Variants in MAGI3 observed in about 807,000 individuals in gnomAD.
The protein encoded by MAGI3 is membrane associated guanylate kinase, WW and PDZ domain containing 3.
In MAGI3, 43 loss-of-function variants were observed where a neutral mutation model predicts 121.8. The ratio of observed to expected loss-of-function variants is 0.35; its 90% confidence interval spans 0.28 to 0.46. The LOEUF is 0.46. MAGI3 is among the 20% of genes least tolerant of loss of function. The pLI is 1.00. For synonymous variants in MAGI3, 553 were observed against 639.3 expected (o/e 0.86, Z 2.04); for missense variants, 1,547 against 1,797.3 (o/e 0.86, Z 2.52).
chr1:113,611,900 A>T (rs1294887895), intron 6 of MAGI3, among the ~76,000 whole-genome samples: 2 of 151,862 alleles, frequency 1.3e-5, no homozygotes, highest in African/African-American at 4.8e-5. Context: ...ATGCCCTTTA[A>T]TCTATCTGGA....
At chr1:113,452,188 GA>G (rs1196202753) in intron 1 of MAGI3, among the ~76,000 whole-genome samples, 2 of 152,076 alleles carry the variant, frequency 1.3e-5, no homozygotes, top group Non-Finnish European at 2.9e-5. Context: ...CCCCTTTCAG[GA>G]AGGGGAAGTA....
At position 113,530,708 on chromosome 1, in the gene MAGI3, C is replaced by T. The variant is rs181531513; in HGVS notation, c.317-18807C>T. On this transcript the variant is annotated intron_variant, in intron 1 of 20. Coordinates refer to ENST00000307546, the MANE Select transcript of MAGI3 (RefSeq NM_001142782.2). ...GGCTGAGGCAGGAGGATTGCTTGAG[C>T]CCAGGAGTTCAAGACCAGCCTGGGC... 1.0e-3 allele frequency among the ~76,000 whole-genome samples: 153 copies of T among 152,126 alleles called. 3 individuals carry two copies. The highest frequency in any genetic ancestry group is 9.2e-3 in the Admixed American group (140 of 15,280).
chr1:113,622,329 A>G (rs932708585), intron 8 of MAGI3, among the ~76,000 whole-genome samples: 6 of 105,924 alleles, frequency 5.7e-5, no homozygotes, highest in Non-Finnish European at 9.5e-5. Flanking sequence ...AATAATGGGC[A>G]TTTCAAAAGA....
intron 3 of MAGI3, among the ~76,000 whole-genome samples, chr1:113,584,672 T>C (rs1648245410): frequency 6.6e-6 from 1 of 152,170 alleles, no homozygotes; most frequent in African/African-American, 2.4e-5. Flanking sequence ...CAGTTAGTTT[T>C]ATCCTCATTT....
chr1:113,643,810 C>T (rs1374374347), intron 11 of MAGI3, 36 bp downstream of exon 11: 1 of 1,597,020 alleles, frequency 6.3e-7, no homozygotes, highest in Non-Finnish European at 8.6e-7. Context: ...TTTTCCCCAA[C>T]ACACTGAGAG....
chr1:113,685,206 T>A lies in MAGI3; in HGVS notation c.*1192T>A, dbSNP rs1036770233. 6.6e-6 allele frequency: 1 copy of A among 152,384 alleles called. No homozygotes were observed. Among genetic ancestry groups the A allele is most frequent in the African/African-American group, 2.4e-5 (1 of 41,462 alleles). The allele number at this position is 152,384 out of a possible 1,614,324, so 9.4% of individuals were successfully genotyped here. ...TAAACATCTGCTTAACTTGTACACA[T>A]TTTCAGAATTCTTTTTAAAAGTCTA... is the stretch of plus-strand genomic sequence containing the variant. On this transcript the variant is annotated 3_prime_UTR_variant, in exon 21 of 21. Transcript: ENST00000307546.
intron 1 of MAGI3, among the ~76,000 whole-genome samples, chr1:113,437,308 G>A (rs999171009): frequency 1.3e-5 from 2 of 151,890 alleles, no homozygotes; most frequent in Admixed American, 1.3e-4. Context: ...TGTTAAATGA[G>A]AATAGTAAAG....
chr1:113,534,581 C>T (rs1658878252), intron 1 of MAGI3, among the ~76,000 whole-genome samples: 1 of 152,048 alleles, frequency 6.6e-6, no homozygotes, highest in African/African-American at 2.4e-5. Flanking sequence ...TCCTATGTAC[C>T]TTGTACATGC....
At chr1:113,476,841 T>C (rs1259481317) in intron 1 of MAGI3, among the ~76,000 whole-genome samples, 1 of 152,200 alleles carries the variant, frequency 6.6e-6, no homozygotes, top group Non-Finnish European at 1.5e-5. Context: ...CTCCCGTTAT[T>C]ATTGTGTGGG....
At chr1:113,652,718 A>C (rs1169727664) in intron 14 of MAGI3, among the ~76,000 whole-genome samples, 1 of 152,166 alleles carries the variant, frequency 6.6e-6, no homozygotes, top group Non-Finnish European at 1.5e-5. Context: ...CCAGAAAGAG[A>C]CCTTATAAAT....
chr1:113,595,403 G>T (rs75807541), intron 6 of MAGI3, among the ~76,000 whole-genome samples: 2,475 of 152,218 alleles, frequency 0.016, 79 homozygotes, highest in African/African-American at 0.056. Flanking sequence ...TTTACCTTAG[G>T]AGATGAATAA....
At chr1:113,571,815 A>T (rs1445973577) in intron 2 of MAGI3, among the ~76,000 whole-genome samples, 1 of 152,016 alleles carries the variant, frequency 6.6e-6, no homozygotes, top group Non-Finnish European at 1.5e-5. Flanking sequence ...GGGTTTTCTA[A>T]ATATACAACC....
intron 1 of MAGI3, among the ~76,000 whole-genome samples, chr1:113,416,059 TATTA>T (rs1359243787): frequency 2.0e-5 from 3 of 148,158 alleles, no homozygotes; most frequent in African/African-American, 4.9e-5. Context: ...TAATGACACA[TATTA>T]ATTATGTAAT....
At chr1:113,657,171 T>C (rs1246325324) in intron 15 of MAGI3, among the ~76,000 whole-genome samples, 1 of 152,238 alleles carries the variant, frequency 6.6e-6, no homozygotes, top group African/African-American at 2.4e-5. Flanking sequence ...AAGTTGGCTT[T>C]ATGGCAAATG....
intron 2 of MAGI3, among the ~76,000 whole-genome samples, chr1:113,571,602 C>T (rs1348185526): frequency 1.3e-5 from 2 of 152,046 alleles, no homozygotes; most frequent in Non-Finnish European, 1.5e-5. Context: ...TGAAGAGGTC[C>T]TTCATGTCCC....
chr1:113,417,291 C>T (rs1652506273), intron 1 of MAGI3, among the ~76,000 whole-genome samples: 1 of 152,116 alleles, frequency 6.6e-6, no homozygotes, highest in Non-Finnish European at 1.5e-5. Flanking sequence ...AATGCAATTT[C>T]ACCTTATAAT....
intron 3 of MAGI3, among the ~76,000 whole-genome samples, chr1:113,582,871 T>C (rs528037845): frequency 1.3e-5 from 2 of 151,892 alleles, no homozygotes; most frequent in South Asian, 2.1e-4. Context: ...CATATACTTA[T>C]ATAAGTAAAT....
At chr1:113,655,546 T>A (rs766554876) in intron 15 of MAGI3, among the ~76,000 whole-genome samples, 55 of 151,982 alleles carry the variant, frequency 3.6e-4, no homozygotes, top group Non-Finnish European at 4.3e-4. Flanking sequence ...GGTAAATTTT[T>A]AAAAATTTAA....
chr1:113,617,983 G>A (rs929165172), intron 7 of MAGI3, among the ~76,000 whole-genome samples: 3 of 152,110 alleles, frequency 2.0e-5, no homozygotes, highest in Non-Finnish European at 2.9e-5. Flanking sequence ...CGTCTGTTGT[G>A]GAACTGATAT....
Sources: allele counts gnomAD v4.1 joint callset (sites outside exome capture counted in the v4.1 genomes callset), GRCh38; gene constraint gnomAD v4.1.1; transcripts MANE v1.5; gene names NCBI Gene and HGNC (gene_info 2026-07-23, HGNC 2026-07-21).